The following ABCA13 variants were observed in gnomAD, a reference collection of about 807,000 sequenced individuals.
ABCA13 encodes ATP-binding cassette sub-family A member 13.
ABCA13 carries 476 observed loss-of-function variants against 478.7 expected under a neutral mutation model. The ratio of observed to expected loss-of-function variants is 0.99; its 90% CI spans 0.92 to 1.07. The LOEUF is 1.07. Ranked by LOEUF, ABCA13 falls within the 50% of genes least tolerant of loss-of-function variation. The pLI is 0.00. For missense variants in ABCA13, 6,060 were observed against 5,910.6 expected, an observed-to-expected ratio of 1.03 and a Z score of -0.83; for synonymous variants, 2,252 against 2,158.9, an observed-to-expected ratio of 1.04 and a Z score of -1.20.
In ABCA13 at chr7:48,507,867, C is replaced by T. The variant is rs771978798; in HGVS notation, c.13347-5C>T. ...TGCCTGAGAGCTGCTCTGTTCCACC[C>T]GCAGCCTGGAGAGCATCCGTCAGTG... is the stretch of plus-strand genomic sequence containing the variant. On this transcript the variant is annotated splice_polypyrimidine_tract_variant and splice_region_variant and intron_variant, in intron 49 of 61. Transcript: ENST00000435803. 3.1e-5 allele frequency: 49 copies of T among 1,600,130 alleles called. No individual in the cohort carries two copies. The highest frequency in any genetic ancestry group is 6.7e-5 in the South Asian group (6 of 88,892).
chr7:48,273,454 C>A lies in ABCA13; in HGVS notation c.3788C>A (p.Ala1263Asp). 1 of 1,611,758 alleles carries A rather than the reference C, an allele frequency of 6.2e-7. No homozygotes were observed. Among genetic ancestry groups the A allele is most frequent in the Non-Finnish European group, 8.5e-7 (1 of 1,178,832 alleles). ...VEKSLFTMEA[A>D]LHQLKTFPFN... ...AAATCCCTTTTCACCATGGAAGCTGCCCTGCATCAGTTGAAGACATTTCCA... is the reference window on the plus strand; with the variant it reads ...AAATCCCTTTTCACCATGGAAGCTGACCTGCATCAGTTGAAGACATTTCCA... Residue 1263 changes from alanine (A) to aspartate (D), a missense_variant, in exon 17 of 62, where the codon GCC becomes GAC. Around this residue, in one of 3 missense-constraint regions of ABCA13, gnomAD observed 4,423 missense variants for 4,309.1 expected, o/e 1.03. Transcript: ENST00000435803.
At position 48,353,507 on chromosome 7, in the gene ABCA13, C is replaced by T. The variant is rs148965475; in HGVS notation, c.10688+1020C>T. Among the ~76,000 whole-genome samples, 243 of 151,334 alleles carry T rather than the reference C, an allele frequency of 1.6e-3. 3 individuals are homozygous for T. The highest frequency in any genetic ancestry group is 0.014 in the Admixed American group (215 of 15,228). The stretch of plus-strand genomic sequence containing the variant: ...ACAGGGACAAGTACTCATCCTTCAT[C>T]GAAACACTGCCAGTAACAACTCATG... On this transcript the variant is annotated intron_variant, in intron 31 of 61. Transcript: ENST00000435803.
rs752344048 is a variant in ABCA13, at chr7:48,272,236, T to A, written c.2570T>A (p.Leu857Ter). The A allele has an allele frequency of 3.3e-5, 53 of 1,612,184 alleles. No homozygotes were observed. The highest frequency in any genetic ancestry group is 3.3e-4 in the Middle Eastern group (2 of 6,074). The stretch of plus-strand genomic sequence containing the variant: ...AAATTGGAAAACTTCTTTACACTTT[T>A]AAATTTTTCTGTTCCAGAAAATGAG... ...RAKLENFFTL[L>*]NFSVPENEIL... The change falls in exon 17 of 62, where the codon TTA becomes TAA. Residue 857 changes from leucine to a stop codon, truncating the protein, a stop_gained. Transcript: ENST00000435803. LOFTEE classifies it high-confidence loss of function.
intron 54 of ABCA13, among the ~76,000 whole-genome samples, chr7:48,525,781 G>T (rs1221565539): frequency 6.1e-5 from 9 of 148,752 alleles, no homozygotes; most frequent in African/African-American, 1.5e-4. Flanking sequence ...GAATGTGCAG[G>T]TTTGTTACAT....
rs1796594512 is a variant in ABCA13 at position 48,278,526 on chromosome 7, C to T, written c.7332C>T (p.Thr2444=). Reference sequence around the variant, plus strand: ...AGGACTTCTATGCTTTGTATCCTACCCTCCAAGAAGTTATACTTGCTAATC... The same window carrying T: ...AGGACTTCTATGCTTTGTATCCTACTCTCCAAGAAGTTATACTTGCTAATC... The part of the protein sequence containing the change: ...PNKDFYALYP[T]LQEVILANLT... The change falls in exon 18 of 62, where the codon ACC becomes ACT. Residue 2444 remains threonine, a synonymous_variant. Transcript: ENST00000435803. 6.2e-7 allele frequency: 1 copy of T among 1,613,786 alleles called. No individual in the cohort carries two copies. The highest frequency in any genetic ancestry group is 8.5e-7 in the Non-Finnish European group (1 of 1,179,810).
intron 26 of ABCA13, among the ~76,000 whole-genome samples, chr7:48,316,777 G>A (rs1802649269): frequency 6.6e-6 from 1 of 152,202 alleles, no homozygotes; most frequent in Non-Finnish European, 1.5e-5. Context: ...CAGGACAAGA[G>A]AGGAAGCAAG....
intron 15 of ABCA13, among the ~76,000 whole-genome samples, chr7:48,265,074 T>G (rs1263815893): frequency 6.6e-6 from 1 of 151,658 alleles, no homozygotes; most frequent in Admixed American, 6.6e-5. Context: ...ACATTTGTAT[T>G]TTTGTCAAAA....
chr7:48,372,733 G>A (rs1812852586), intron 33 of ABCA13, among the ~76,000 whole-genome samples: 1 of 152,142 alleles, frequency 6.6e-6, no homozygotes, highest in Non-Finnish European at 1.5e-5. Context: ...GAGACTTTCT[G>A]CAGATTCTGG....
intron 3 of ABCA13, among the ~76,000 whole-genome samples, chr7:48,216,004 T>A (rs549350740): frequency 3.0e-4 from 46 of 152,330 alleles, no homozygotes; most frequent in Middle Eastern, 3.4e-3. Flanking sequence ...TTTCTTTATC[T>A]TTTCCTCTGT....
chr7:48,474,158 A>G (rs1827825236), intron 45 of ABCA13, among the ~76,000 whole-genome samples: 1 of 152,130 alleles, frequency 6.6e-6, no homozygotes, highest in Non-Finnish European at 1.5e-5. Context: ...ACTGAAAATC[A>G]GTTGACAAAA....
At position 48,309,919 on chromosome 7, in the gene ABCA13, C is replaced by T. The variant is rs755155544; in HGVS notation, c.9322-28C>T. On this transcript the variant is annotated intron_variant, in intron 23 of 61. Transcript: ENST00000435803. Reference sequence around the variant, plus strand: ...AAGCACATGACGTCATAGGTATACTCACCTCTAATCTCTGTGCTTTGAAAC... The same window carrying T: ...AAGCACATGACGTCATAGGTATACTTACCTCTAATCTCTGTGCTTTGAAAC... 3.1e-6 allele frequency: 5 copies of T among 1,612,374 alleles called. No individual in the cohort carries two copies. In the Admixed American group the frequency reaches 8.3e-5, roughly 27 times the overall value.
chr7:48,516,745 T>C lies in ABCA13; in HGVS notation c.13661T>C (p.Met4554Thr). The C allele has an allele frequency of 6.2e-7, 1 of 1,613,752 alleles. No homozygotes were observed. The highest frequency in any genetic ancestry group is 8.5e-7 in the Non-Finnish European group (1 of 1,179,694). ...TTCAGATATGCAACTCTTCCATGGA[T>C]GTACCTGATGTCCAGAATCTTTTCC... ...SLFGYATLPW[M>T]YLMSRIFSSS... The change falls in exon 52 of 62, where the codon ATG becomes ACG. Residue 4554 changes from methionine to threonine, a missense_variant. Around this residue, in one of 3 missense-constraint regions of ABCA13, gnomAD observed 1,627 missense variants for 1,571.0 expected, o/e 1.04. Transcript: ENST00000435803.
In ABCA13 at chr7:48,587,230, C is replaced by A; in HGVS notation, c.14582C>A (p.Thr4861Asn). 5 of 1,612,478 alleles carry A rather than the reference C, an allele frequency of 3.1e-6. No individual in the cohort carries two copies. Among genetic ancestry groups the A allele is most frequent in the Non-Finnish European group, 4.2e-6 (5 of 1,179,256 alleles). Residue 4861 changes from threonine (T) to asparagine (N), a missense_variant, in exon 57 of 62, where the codon ACC (threonine) becomes AAC (asparagine). Thr to Asn is a moderately conservative substitution (Grantham distance 65, BLOSUM62 0). Coordinates refer to ENST00000435803, the MANE Select transcript of ABCA13 (RefSeq NM_152701.5). ...CCTGTGGCCACCTACAGTGGGGGAA[C>A]CAAGCGGAAACTCTCTACAGCCCTG... is the stretch of plus-strand genomic sequence containing the variant. ...DKPVATYSGG[T>N]KRKLSTALAL...
intron 42 of ABCA13, among the ~76,000 whole-genome samples, chr7:48,433,713 C>T (rs1822460662): frequency 1.3e-5 from 2 of 151,916 alleles, no homozygotes; most frequent in African/African-American, 4.8e-5. Context: ...CTGGAAACCA[C>T]CATTCTAGCC....
intron 35 of ABCA13, among the ~76,000 whole-genome samples, chr7:48,383,246 G>A (rs1563160825): frequency 6.6e-6 from 1 of 152,210 alleles, no homozygotes; most frequent in Non-Finnish European, 1.5e-5. Flanking sequence ...TGACATTGTT[G>A]CAGTTGTCTA....
chr7:48,233,167 G>A (rs1476654527), intron 7 of ABCA13, among the ~76,000 whole-genome samples: 2 of 152,158 alleles, frequency 1.3e-5, no homozygotes, highest in Non-Finnish European at 2.9e-5. Context: ...TGAATGTCAT[G>A]GATTGTGCTT....
intron 3 of ABCA13, among the ~76,000 whole-genome samples, chr7:48,200,562 A>C (rs1262793877): frequency 6.6e-6 from 1 of 152,204 alleles, no homozygotes; most frequent in African/African-American, 2.4e-5. Flanking sequence ...CAAAGCCTTT[A>C]ACTTTGAGAA....
At chr7:48,454,992 T>C (rs1207687275) in intron 42 of ABCA13, 45 bp from the exon 43 acceptor site, 6 of 1,441,078 alleles carry the variant, frequency 4.2e-6, no homozygotes, top group Admixed American at 2.6e-5. Flanking sequence ...CGCTGTCACC[T>C]CCGCAGAGCT....
intron 53 of ABCA13, 118 bp downstream of exon 53, chr7:48,520,412 T>G (rs1370209480): frequency 8.8e-7 from 1 of 1,132,950 alleles, no homozygotes. Flanking sequence ...TTATACATAG[T>G]TCTAATGCGT....
Sources: allele counts gnomAD v4.1 joint callset (sites outside exome capture counted in the v4.1 genomes callset), GRCh38; gene constraint gnomAD v4.1.1; regional missense constraint gnomAD v4.1.1; transcripts MANE v1.5; gene names NCBI Gene and HGNC (gene_info 2026-07-23, HGNC 2026-07-21).